The following PRLR variants were observed in gnomAD, a reference collection of about 807,000 sequenced individuals.
The protein encoded by PRLR is prolactin receptor.
Under a neutral mutation model 40.2 loss-of-function variants are expected in PRLR, and 13 were observed. The observed-to-expected ratio is 0.32, with a 90% CI of 0.21 to 0.51. The LOEUF is 0.51. PRLR is among the 20% of genes least tolerant of loss of function. PRLR has a pLI of 0.97. For missense variants in PRLR, 656 were observed against 747.3 expected (o/e 0.88, Z 1.42); for synonymous variants, 269 against 278.7 (o/e 0.97, Z 0.35).
intron 1 of PRLR, among the ~76,000 whole-genome samples, chr5:35,127,730 C>T (rs184073810): frequency 2.0e-5 from 3 of 152,194 alleles, no homozygotes; most frequent in Non-Finnish European, 2.9e-5. Context: ...AAAACAATAT[C>T]GTAAGTGAAA....
At chr5:35,107,206 C>T (rs551640171) in intron 2 of PRLR, among the ~76,000 whole-genome samples, 3 of 152,290 alleles carry the variant, frequency 2.0e-5, no homozygotes, top group African/African-American at 7.2e-5. Context: ...ATACCAGAAT[C>T]TCTGGGACAC....
In PRLR at chr5:35,065,765, C is replaced by T; in HGVS notation, c.1193G>A (p.Ser398Asn). The stretch of plus-strand genomic sequence containing the variant: ...AAAATAGGGGATTTTGCCTTCCATG[C>T]TTATGCACTGGGGGTCCCAGGTGTG... ...TTHTWDPQCI[S>N]MEGKIPYFHA... Residue 398 changes from serine to asparagine, a missense_variant, in exon 10 of 10, where the codon AGC becomes AAC. Physicochemically the swap from Ser to Asn is conservative, Grantham distance 46. Transcript: ENST00000618457. The T allele has an allele frequency of 6.2e-7, 1 of 1,614,092 alleles. No homozygotes were observed. Among genetic ancestry groups the T allele is most frequent in the East Asian group, 2.2e-5 (1 of 44,856 alleles).
chr5:35,106,291 A>G (rs531235086), intron 2 of PRLR, among the ~76,000 whole-genome samples: 2 of 152,358 alleles, frequency 1.3e-5, no homozygotes, highest in Admixed American at 6.5e-5. Flanking sequence ...TGTAAAGACC[A>G]TCAAGGCTAG....
intron 9 of PRLR, among the ~76,000 whole-genome samples, chr5:35,067,696 C>T (rs2112381362): frequency 6.6e-6 from 1 of 152,238 alleles, no homozygotes; most frequent in South Asian, 2.1e-4. Context: ...TTATTTAATT[C>T]CCTCTTGAAT....
At chr5:35,107,796 G>C (rs950186350) in intron 2 of PRLR, among the ~76,000 whole-genome samples, 3 of 152,054 alleles carry the variant, frequency 2.0e-5, no homozygotes, top group Non-Finnish European at 4.4e-5. Flanking sequence ...TACCAGAGGT[G>C]CAAAGAAGAG....
At chr5:35,174,278 C>T (rs1450610923) in intron 1 of PRLR, among the ~76,000 whole-genome samples, 9 of 152,058 alleles carry the variant, frequency 5.9e-5, no homozygotes, top group Admixed American at 1.3e-4. Flanking sequence ...TTAGTGGAGA[C>T]GGAGTTTCAC....
intron 2 of PRLR, among the ~76,000 whole-genome samples, chr5:35,117,737 T>C (rs911548378): frequency 3.3e-5 from 5 of 152,214 alleles, no homozygotes; most frequent in African/African-American, 1.2e-4. Flanking sequence ...AACATAGTCA[T>C]TGTCGATAAT....
chr5:35,186,292 TAA>T (rs2111992385), intron 1 of PRLR, among the ~76,000 whole-genome samples: 1 of 152,268 alleles, frequency 6.6e-6, no homozygotes, highest in Non-Finnish European at 1.5e-5. Context: ...CTAGAAAATA[TAA>T]AGTTACATTT....
At chr5:35,164,838 G>A (rs189265464) in intron 1 of PRLR, among the ~76,000 whole-genome samples, 95 of 152,266 alleles carry the variant, frequency 6.2e-4, no homozygotes, top group African/African-American at 2.4e-4. Flanking sequence ...GTGAGGACAG[G>A]TAAGACTTGA....
chr5:35,193,620 T>G (rs1002439065), intron 1 of PRLR, among the ~76,000 whole-genome samples: 2 of 152,194 alleles, frequency 1.3e-5, no homozygotes, highest in African/African-American at 4.8e-5. Flanking sequence ...TGTCAGACCC[T>G]CTGAGAGCTA....
At chr5:35,115,177 T>C (rs1215873013) in intron 2 of PRLR, among the ~76,000 whole-genome samples, 1 of 152,222 alleles carries the variant, frequency 6.6e-6, no homozygotes, top group African/African-American at 2.4e-5. Context: ...AATTTATTTA[T>C]ATTTAAATTG....
intron 1 of PRLR, among the ~76,000 whole-genome samples, chr5:35,192,320 C>G (rs1336992836): frequency 6.6e-6 from 1 of 152,158 alleles, no homozygotes; most frequent in Non-Finnish European, 1.5e-5. Context: ...AAATTCAGGG[C>G]TCCTTGTGAA....
chr5:35,093,833 T>C (rs532618757), intron 2 of PRLR, among the ~76,000 whole-genome samples: 2 of 152,246 alleles, frequency 1.3e-5, no homozygotes, highest in Non-Finnish European at 1.5e-5. Context: ...TGTTTAGATA[T>C]ATTTAGATAC....
chr5:35,166,428 G>A (rs1202084290), intron 1 of PRLR, among the ~76,000 whole-genome samples: 1 of 152,076 alleles, frequency 6.6e-6, no homozygotes. Context: ...ATTCATAACT[G>A]GAGAATATCT....
intron 1 of PRLR, among the ~76,000 whole-genome samples, chr5:35,181,072 A>C (rs1354011051): frequency 6.6e-6 from 1 of 152,162 alleles, no homozygotes; most frequent in Non-Finnish European, 1.5e-5. Flanking sequence ...AGTAATGAGC[A>C]GCACATTTAG....
intron 1 of PRLR, chr5:35,195,777 T>C (rs981216773): frequency 6.6e-6 from 1 of 152,234 alleles, no homozygotes; most frequent in Non-Finnish European, 1.5e-5. Flanking sequence ...AGTATTTTTG[T>C]AGGCAAGGCA....
intron 1 of PRLR, among the ~76,000 whole-genome samples, chr5:35,142,144 A>G (rs949286591): frequency 2.0e-5 from 3 of 152,240 alleles, no homozygotes; most frequent in Middle Eastern, 3.2e-3. Flanking sequence ...AGAAGTGAAT[A>G]GGTTGGCCAA....
chr5:35,076,149 T>A (rs576992714), intron 5 of PRLR, among the ~76,000 whole-genome samples: 1 of 152,302 alleles, frequency 6.6e-6, no homozygotes, highest in South Asian at 2.1e-4. Context: ...TCCAAAGGAA[T>A]GCAGTTCCTC....
chr5:35,073,049 C>T (rs1171070496), intron 5 of PRLR, among the ~76,000 whole-genome samples: 1 of 152,072 alleles, frequency 6.6e-6, no homozygotes, highest in Non-Finnish European at 1.5e-5. Context: ...TGACAGAGAC[C>T]AGGTGATAAA....
Sources: gnomAD v4.1 joint callset for allele counts (sites outside exome capture counted in the v4.1 genomes callset) on GRCh38, gnomAD v4.1.1 for gene constraint, MANE v1.5 for transcripts, NCBI Gene and HGNC (gene_info 2026-07-23, HGNC 2026-07-21) for gene names.